ST3GAL6: variants seen among roughly 807,000 people sequenced by gnomAD.
ST3GAL6 encodes ST3 beta-galactoside alpha-2,3-sialyltransferase 6, also known as type 2 lactosamine alpha-2,3-sialyltransferase.
ST3GAL6 carries 31 observed loss-of-function variants against 40.5 expected under a neutral mutation model. The observed-to-expected ratio is 0.77, with a 90% CI of 0.58 to 1.03. The LOEUF is 1.03. Ranked by LOEUF, ST3GAL6 falls within the 50% of genes least tolerant of loss-of-function variation. The pLI, the probability that ST3GAL6 is intolerant of heterozygous loss-of-function variation, is 0.00. For missense variants in ST3GAL6, 357 were observed against 393.2 expected (o/e 0.91, Z 0.78); for synonymous variants, 129 against 136.9 (o/e 0.94, Z 0.40).
At chr3:98,784,718 A>G (rs955319359) in intron 5 of ST3GAL6, among the ~76,000 whole-genome samples, 1 of 152,230 alleles carries the variant, frequency 6.6e-6, no homozygotes, top group African/African-American at 2.4e-5. Context: ...GAGAACATGT[A>G]TGGGCTGATA....
chr3:98,792,723 T>C (rs1240570518), intron 9 of ST3GAL6, among the ~76,000 whole-genome samples: 6 of 150,818 alleles, frequency 4.0e-5, no homozygotes, highest in Admixed American at 3.3e-4. Flanking sequence ...TTTGCCATGT[T>C]GGCCAGGCTG....
At chr3:98,770,793 G>A in intron 2 of ST3GAL6, 86 bp from the exon 3 acceptor site, 1 of 1,124,942 alleles carries the variant, frequency 8.9e-7, no homozygotes. Flanking sequence ...CTCAGTGGTG[G>A]CATGAATGAG....
intron 8 of ST3GAL6, among the ~76,000 whole-genome samples, chr3:98,788,988 G>C (rs1171451735): frequency 6.6e-6 from 1 of 152,240 alleles, no homozygotes; most frequent in Non-Finnish European, 1.5e-5. Context: ...AGAAATGGTA[G>C]CTACAGCAAT....
chr3:98,776,426 GA>G (rs1939553792), intron 5 of ST3GAL6, among the ~76,000 whole-genome samples: 2 of 152,204 alleles, frequency 1.3e-5, no homozygotes, highest in Admixed American at 1.3e-4. Flanking sequence ...CTCAGGCAGA[GA>G]ATTTAGACTG....
At chr3:98,756,914 T>C (rs60526899) in intron 1 of ST3GAL6, among the ~76,000 whole-genome samples, 129 of 152,362 alleles carry the variant, frequency 8.5e-4, no homozygotes, top group African/African-American at 3.1e-3. Context: ...TAACCAGCTT[T>C]ATATTGGGCA....
At chr3:98,748,006 A>G (rs541971725) in intron 1 of ST3GAL6, among the ~76,000 whole-genome samples, 1 of 152,346 alleles carries the variant, frequency 6.6e-6, no homozygotes, top group African/African-American at 2.4e-5. Context: ...TTGGACCTCT[A>G]TTAATGTTTT....
At chr3:98,741,809 A>G (rs1936112954) in intron 1 of ST3GAL6, among the ~76,000 whole-genome samples, 1 of 152,196 alleles carries the variant, frequency 6.6e-6, no homozygotes, top group Admixed American at 6.5e-5. Flanking sequence ...TATGATGAAA[A>G]CATTAGTTAA....
At chr3:98,740,490 G>T (rs1048413120) in intron 1 of ST3GAL6, among the ~76,000 whole-genome samples, 10 of 151,922 alleles carry the variant, frequency 6.6e-5, no homozygotes, top group African/African-American at 2.4e-4. Flanking sequence ...CTTCAGCTCA[G>T]GCTGTTCTTT....
At chr3:98,782,655 T>G in intron 5 of ST3GAL6, 1 of 448,458 alleles carries the variant, frequency 2.2e-6, no homozygotes. Context: ...ATCTCCAACT[T>G]CAACAATACT....
chr3:98,745,734 G>A (rs1334763680), intron 1 of ST3GAL6, among the ~76,000 whole-genome samples: 2 of 152,122 alleles, frequency 1.3e-5, no homozygotes, highest in Non-Finnish European at 2.9e-5. Flanking sequence ...TCTAGCTCCT[G>A]TTGTTTATAC....
chr3:98,790,850 G>A (rs7611929), intron 8 of ST3GAL6, among the ~76,000 whole-genome samples: 65,033 of 151,782 alleles, frequency 0.43, 14,096 homozygotes, highest in Non-Finnish European at 0.45. Flanking sequence ...CAAGGAGAAG[G>A]AAAAAGCAAT....
intron 1 of ST3GAL6, among the ~76,000 whole-genome samples, chr3:98,768,093 GATATGGA>G (rs1938556480): frequency 6.6e-6 from 1 of 152,142 alleles, no homozygotes; most frequent in Non-Finnish European, 1.5e-5. Flanking sequence ...AAAAGTTTTG[GATATGGA>G]ATAGATGTGT....
At chr3:98,741,051 A>AGTGT (rs35649214) in intron 1 of ST3GAL6, among the ~76,000 whole-genome samples, 4,293 of 145,132 alleles carry the variant, frequency 0.03, 61 homozygotes, top group Middle Eastern at 0.059. Context: ...AGAGGGATTC[A>AGTGT]GTGTGTGTGT....
rs531998730 is a variant in ST3GAL6, at chr3:98,750,971, G to A, written c.-11-17459G>A. Among the ~76,000 whole-genome samples, 3 of 151,984 alleles carry A rather than the reference G, an allele frequency of 2.0e-5. No homozygotes were observed. In the East Asian group the frequency reaches 5.8e-4, roughly 29 times the overall value. On this transcript the variant is annotated intron_variant, in intron 1 of 9. Transcript: ENST00000265261. ...TTCCTTGATTTAAGCTTCCCCAGGT[G>A]TAACTAAATCCCTGTTTCCCCCAGT...
chr3:98,771,079 T>TA, intron 3 of ST3GAL6, 123 bp downstream of exon 3: 1 of 1,487,046 alleles, frequency 6.7e-7, no homozygotes, highest in Non-Finnish European at 9.1e-7. Context: ...ACCCCATATT[T>TA]AAGGAAGAGC....
Position 98,788,164 on chromosome 3 carries a change from C to G in ST3GAL6, c.560C>G (p.Thr187Ser), listed in dbSNP as rs761250005. ...HNDPNTTVILTAFKPHDLRWL... is the reference protein window; with the variant it reads ...HNDPNTTVILSAFKPHDLRWL... Reference sequence around the variant, plus strand: ...GACCCTAATACGACAGTGATTCTCACTGCTTTTAAGCCACATGATTTAAGG... The same window carrying G: ...GACCCTAATACGACAGTGATTCTCAGTGCTTTTAAGCCACATGATTTAAGG... The change falls in exon 7 of 10, where the codon ACT becomes AGT. Residue 187 changes from threonine to serine, a missense_variant. Transcript: ENST00000483910. The G allele has an allele frequency of 6.2e-6, 10 of 1,613,764 alleles. No homozygotes were observed. Among genetic ancestry groups the G allele is most frequent in the Non-Finnish European group, 7.6e-6 (9 of 1,179,906 alleles).
chr3:98,736,181 A>G (rs550846051), intron 1 of ST3GAL6, among the ~76,000 whole-genome samples: 1 of 152,262 alleles, frequency 6.6e-6, no homozygotes, highest in East Asian at 1.9e-4. Flanking sequence ...CCATTGAGAT[A>G]GAGGGAAAGG....
chr3:98,772,336 T>C (rs1209609469), intron 3 of ST3GAL6: 1 of 152,866 alleles, frequency 6.5e-6, no homozygotes, highest in Non-Finnish European at 1.5e-5. Flanking sequence ...AAAGAGAACA[T>C]CTTCCCTTAT....
At chr3:98,781,348 G>C (rs953418212) in intron 5 of ST3GAL6, among the ~76,000 whole-genome samples, 1 of 152,090 alleles carries the variant, frequency 6.6e-6, no homozygotes, top group Non-Finnish European at 1.5e-5. Flanking sequence ...GGCTAGGGGA[G>C]GGATAGCATT....
Sources: allele counts gnomAD v4.1 joint callset (sites outside exome capture counted in the v4.1 genomes callset), GRCh38; gene constraint gnomAD v4.1.1; transcripts MANE v1.5; gene names NCBI Gene and HGNC (gene_info 2026-07-23, HGNC 2026-07-21).